COG7: variants seen among roughly 807,000 people sequenced by gnomAD.
COG7 encodes the protein conserved oligomeric Golgi complex subunit 7.
Under a neutral mutation model 91.5 loss-of-function variants are expected in COG7, and 49 were observed. That is an observed-to-expected ratio of 0.54 (90% CI 0.43 to 0.68). COG7 has a LOEUF of 0.68. COG7 is among the 30% of genes least tolerant of loss of function. The probability of loss-of-function intolerance (pLI) is 0.00; values close to 1 mark genes in which losing one functional copy is unlikely to be tolerated. For missense variants in COG7, 895 were observed against 961.3 expected, an observed-to-expected ratio of 0.93 and a Z score of 0.91; for synonymous variants, 365 against 388.7, an observed-to-expected ratio of 0.94 and a Z score of 0.72.
At chr16:23,448,397 C>T (rs528978266) in intron 1 of COG7, among the ~76,000 whole-genome samples, 3 of 152,280 alleles carry the variant, frequency 2.0e-5, no homozygotes, top group Admixed American at 6.5e-5. Context: ...ACTGCTGCCT[C>T]GAACTTCTAG....
At position 23,416,909 on chromosome 16, in the gene COG7, A is replaced by G. The variant is rs891033570; in HGVS notation, c.1292+58T>C. 17 of 1,605,656 alleles carry G rather than the reference A, an allele frequency of 1.1e-5. No homozygotes were observed. The African/African-American group carries it at 2.1e-4, about 20-fold the overall frequency. On this transcript the variant is annotated intron_variant, in intron 9 of 16. Transcript: ENST00000307149. ...ACAAATACAGAACACGTGCATTTTT[A>G]TCTGGGACAGACACTGCTCCAATGT... is the stretch of plus-strand genomic sequence containing the variant.
At chr16:23,445,017 T>C in intron 3 of COG7, 31 bp downstream of exon 3, 1 of 1,503,844 alleles carries the variant, frequency 6.6e-7, no homozygotes, top group Non-Finnish European at 9.3e-7. Context: ...CTTAAATACC[T>C]TTCATAACAT....
At chr16:23,411,510 T>A (rs553689556) in intron 10 of COG7, among the ~76,000 whole-genome samples, 28 of 152,366 alleles carry the variant, frequency 1.8e-4, no homozygotes, top group Admixed American at 3.9e-4. Context: ...ACATTTTTTT[T>A]AAATTTTATT....
rs776496345 is a variant in COG7, at chr16:23,413,440, C to T, written c.1409+8G>A. ...AGGAACAAGCTTGAATTACAACCCC[C>T]GGTTTACCTAATGGAGTTCTGAAAA... On this transcript the variant is annotated splice_region_variant and intron_variant, in intron 10 of 16. Coordinates refer to ENST00000307149, the MANE Select transcript of COG7 (RefSeq NM_153603.4). 30 of 1,354,732 alleles carry T rather than the reference C, an allele frequency of 2.2e-5. No individual in the cohort carries two copies. Among genetic ancestry groups the T allele is most frequent in the African/African-American group, 4.3e-5 (3 of 69,860 alleles). 83.9% of individuals were successfully genotyped at this position (1,354,732 alleles called of 1,614,324 possible).
intron 12 of COG7, 102 bp downstream of exon 12, chr16:23,405,974 C>A: frequency 9.7e-7 from 1 of 1,027,626 alleles, no homozygotes. Flanking sequence ...ACGTCACAGC[C>A]CAGGGCCACA....
chr16:23,389,410 C>G (rs535684885), intron 16 of COG7, among the ~76,000 whole-genome samples: 1 of 151,770 alleles, frequency 6.6e-6, no homozygotes, highest in East Asian at 2.0e-4. Context: ...CACACAAACT[C>G]GCACACACAC....
chr16:23,408,968 G>T (rs1963514152), intron 11 of COG7, among the ~76,000 whole-genome samples: 1 of 151,880 alleles, frequency 6.6e-6, no homozygotes, highest in South Asian at 2.1e-4. Flanking sequence ...ATCCAAGGGA[G>T]CTCCTGAAAG....
intron 13 of COG7, among the ~76,000 whole-genome samples, chr16:23,398,918 A>G (rs768372802): frequency 2.6e-5 from 4 of 152,192 alleles, no homozygotes; most frequent in Non-Finnish European, 5.9e-5. Context: ...AGTTGGGTAA[A>G]GGACCTGTGC....
chr16:23,439,793 C>T (rs1026591252), intron 4 of COG7, among the ~76,000 whole-genome samples: 1 of 152,064 alleles, frequency 6.6e-6, no homozygotes, highest in Admixed American at 6.6e-5. Flanking sequence ...TGCACAGCAA[C>T]GTGAATGTAC....
At chr16:23,425,296 C>T (rs774426374) in intron 6 of COG7, among the ~76,000 whole-genome samples, 7 of 151,956 alleles carry the variant, frequency 4.6e-5, no homozygotes, top group Non-Finnish European at 8.8e-5. Context: ...GGTGACAGAG[C>T]GAGACTCTGT....
At chr16:23,432,684 C>A (rs1297905384) in intron 6 of COG7, among the ~76,000 whole-genome samples, 1 of 152,072 alleles carries the variant, frequency 6.6e-6, no homozygotes, top group African/African-American at 2.4e-5. Flanking sequence ...TGCCTAGAGA[C>A]TTGAGGAAAG....
At chr16:23,443,877 C>A (rs929050964) in intron 3 of COG7, among the ~76,000 whole-genome samples, 3 of 151,854 alleles carry the variant, frequency 2.0e-5, no homozygotes, top group African/African-American at 7.3e-5. Flanking sequence ...CCCGGCCGGG[C>A]ATGGTGACTC....
At chr16:23,449,222 G>T (rs1217201866) in intron 1 of COG7, among the ~76,000 whole-genome samples, 1 of 151,782 alleles carries the variant, frequency 6.6e-6, no homozygotes, top group Non-Finnish European at 1.5e-5. Context: ...AATTAGCCAG[G>T]CGTGGTGGCG....
intron 13 of COG7, among the ~76,000 whole-genome samples, chr16:23,399,134 G>A (rs867024482): frequency 1.3e-5 from 2 of 152,212 alleles, no homozygotes; most frequent in African/African-American, 4.8e-5. Context: ...GTAGCATTCC[G>A]GGAAAGGAAT....
At chr16:23,447,971 A>G (rs1269412482) in intron 1 of COG7, among the ~76,000 whole-genome samples, 2 of 152,144 alleles carry the variant, frequency 1.3e-5, no homozygotes, top group Non-Finnish European at 2.9e-5. Context: ...GACCTCTCCA[A>G]TCCAACACTG....
Position 23,412,953 on chromosome 16 carries a change from T to C in COG7, c.1409+495A>G, listed in dbSNP as rs1045757053. 2.2e-4 allele frequency: 37 copies of C among 169,272 alleles called. 1 individual carries two copies. Among genetic ancestry groups the C allele is most frequent in the Middle Eastern group, 3.0e-3 (1 of 332 alleles). The allele number at this position is 169,272 out of a possible 1,614,324, so 10.5% of individuals were successfully genotyped here. A position where few individuals can be genotyped will look rare whatever the true frequency, so the allele number is the denominator to read the frequency against. ...TGCCCGCCTCAGCCTCCCAAAGTGC[T>C]GGGATGAAAAGCATGAGCCACCAAG... On this transcript the variant is annotated intron_variant, in intron 10 of 16. Coordinates refer to ENST00000307149, the MANE Select transcript of COG7 (RefSeq NM_153603.4).
At chr16:23,401,436 A>G (rs1399294236) in intron 13 of COG7, among the ~76,000 whole-genome samples, 2 of 152,190 alleles carry the variant, frequency 1.3e-5, no homozygotes, top group African/African-American at 4.8e-5. Flanking sequence ...AAGTAGAGGG[A>G]AAAGGACGGG....
intron 1 of COG7, chr16:23,446,849 T>A (rs1013715892): frequency 6.6e-6 from 1 of 152,200 alleles, no homozygotes; most frequent in Non-Finnish European, 1.5e-5. Flanking sequence ...CCTCCTGGTC[T>A]CAGGTGATCC....
In COG7 at chr16:23,424,890, G is replaced by A; in HGVS notation, c.868C>T (p.Leu290Phe). The change falls in exon 7 of 17, where the codon CTC becomes TTC. Residue 290 changes from leucine (L) to phenylalanine (F), a missense_variant. By Grantham distance (22) the Leu-to-Phe change is conservative. Coordinates refer to ENST00000307149, the MANE Select transcript of COG7 (RefSeq NM_153603.4). ...AGGCAGGAGGGCAGCGAGGGCATGA[G>A]GGCCCCCAGGGTCTGAATCAGCAGC... is the stretch of plus-strand genomic sequence containing the variant. ...MVLLIQTLGA[L>F]MPSLPSCLSN... The A allele has an allele frequency of 1.2e-6, 2 of 1,614,082 alleles. No homozygotes were observed. Among genetic ancestry groups the A allele is most frequent in the Admixed American group, 1.7e-5 (1 of 60,010 alleles).
Sources: allele counts gnomAD v4.1 joint callset (sites outside exome capture counted in the v4.1 genomes callset), GRCh38; gene constraint gnomAD v4.1.1; transcripts MANE v1.5; gene names NCBI Gene and HGNC (gene_info 2026-07-23, HGNC 2026-07-21).